The following CRACD variants were observed in gnomAD, a reference collection of about 807,000 sequenced individuals.
CRACD encodes capping protein-inhibiting regulator of actin dynamics.
A neutral mutation model predicts 106.8 loss-of-function variants in CRACD; 56 were observed. The ratio of observed to expected loss-of-function variants is 0.52; its 90% CI spans 0.42 to 0.66. CRACD has a LOEUF of 0.66. CRACD is among the 30% of genes least tolerant of loss of function. The pLI is 0.00. For missense variants in CRACD, 1,730 were observed against 1,623.2 expected (o/e 1.07, Z -1.13); for synonymous variants, 754 against 670.8 (o/e 1.12, Z -1.92).
chr4:56,217,497 TGAAA>T (rs1005653656), intron 2 of CRACD, among the ~76,000 whole-genome samples: 4 of 152,212 alleles, frequency 2.6e-5, no homozygotes, highest in South Asian at 4.2e-4. Context: ...GGCATTTGGT[TGAAA>T]GAGTTTATTA....
Position 56,314,661 on chromosome 4 carries a change from G to A in CRACD, c.1159G>A (p.Glu387Lys). 1 of 1,549,074 alleles carries A rather than the reference G, an allele frequency of 6.5e-7. No homozygotes were observed. The change falls in exon 8 of 11, where the codon GAG becomes AAG. Residue 387 changes from glutamate to lysine, a missense_variant. By Grantham distance (56) the Glu-to-Lys change is moderately conservative (BLOSUM62 1). Around this residue, in one of 5 missense-constraint regions of CRACD, gnomAD observed 1,620 missense variants for 1,481.6 expected, o/e 1.09. Transcript: ENST00000682029. The surrounding 1 kb of genome is among the most constrained non-coding windows in gnomAD (Gnocchi z 4.4). The stretch of plus-strand genomic sequence containing the variant: ...GGTGCAGGGGCCGCCCGAGGCGTTG[G>A]AGGAGACTGGGGAGGGCCGGCGGGG... ...AEVQGPPEAL[E>K]ETGEGRRGAE...
chr4:56,214,671 C>G lies in CRACD; in HGVS notation c.-189+35241C>G, dbSNP rs886552850. On this transcript the variant is annotated intron_variant, in intron 2 of 10. Transcript: ENST00000682029. The stretch of plus-strand genomic sequence containing the variant: ...CTAGACACTCTCTCTCTCTCTCTCT[C>G]TCTCTCTCTCTATATATATATATAT... 6.8e-4 allele frequency among the ~76,000 whole-genome samples: 50 copies of G among 73,388 alleles called. 3 individuals are homozygous for G. The highest frequency in any genetic ancestry group is 9.8e-4 in the Non-Finnish European group (34 of 34,854). 48.1% of individuals were successfully genotyped at this position (73,388 alleles called of 152,430 possible). A position where few individuals can be genotyped will look rare whatever the true frequency, so the allele number is the denominator to read the frequency against.
chr4:56,139,150 G>A (rs1000426544), intron 1 of CRACD, among the ~76,000 whole-genome samples: 3 of 152,054 alleles, frequency 2.0e-5, no homozygotes, highest in Non-Finnish European at 4.4e-5. Flanking sequence ...ATATCTTTAA[G>A]CAATAAAATC....
intron 1 of CRACD, among the ~76,000 whole-genome samples, chr4:56,083,801 C>A (rs1733120745): frequency 6.6e-6 from 1 of 151,964 alleles, no homozygotes; most frequent in Admixed American, 6.6e-5. Context: ...CATTGAGAAA[C>A]CCCATCTCTA....
At chr4:56,262,852 T>G in intron 2 of CRACD, among the ~76,000 whole-genome samples, 1 of 152,188 alleles carries the variant, frequency 6.6e-6, no homozygotes, top group East Asian at 1.9e-4. Context: ...ATATTGCACT[T>G]CGATTATTAA....
intron 2 of CRACD, among the ~76,000 whole-genome samples, chr4:56,223,582 C>A (rs1268023591): frequency 6.6e-6 from 1 of 152,124 alleles, no homozygotes; most frequent in Non-Finnish European, 1.5e-5. Flanking sequence ...AGTTGGCTGT[C>A]CAGCTGTCCC....
At chr4:56,182,863 ATGTGTGTGTGTGTGTG>A (rs34291347) in intron 2 of CRACD, among the ~76,000 whole-genome samples, 2 of 144,726 alleles carry the variant, frequency 1.4e-5, no homozygotes, top group Non-Finnish European at 3.0e-5. Context: ...AAAAAAAGAT[ATGTGTGTGTGTGTGTG>A]TGTGTGTGTG....
At chr4:56,198,838 G>C (rs982932104) in intron 2 of CRACD, among the ~76,000 whole-genome samples, 5 of 152,116 alleles carry the variant, frequency 3.3e-5, no homozygotes, top group Non-Finnish European at 7.4e-5. Context: ...AAGTATTAAC[G>C]TTAGAGGGGG....
At chr4:56,072,106 C>A (rs1577944496) in intron 1 of CRACD, among the ~76,000 whole-genome samples, 1 of 136,668 alleles carries the variant, frequency 7.3e-6, no homozygotes, top group Non-Finnish European at 1.5e-5. Context: ...CCAGCCTGGG[C>A]GACAGAGCGA....
intron 8 of CRACD, among the ~76,000 whole-genome samples, chr4:56,321,802 G>A (rs924789792): frequency 6.6e-6 from 1 of 152,196 alleles, no homozygotes; most frequent in Admixed American, 6.5e-5. Context: ...GTTATTTGAT[G>A]ATTTAGGGAT....
rs568300844 is a variant in CRACD, at chr4:56,124,300, TAAAC to T, written c.-335-54983_-335-54980del. Among the ~76,000 whole-genome samples the T allele has an allele frequency of 2.6e-5, 4 of 152,344 alleles. No homozygotes were observed. In the South Asian group the frequency reaches 8.3e-4, roughly 32 times the overall value. ...ACAAAGGTAGAGAGAGATAGTATAA[TAAAC>T]CCTTGTGAATCCATCACCCAGATTT... On this transcript the variant is annotated intron_variant, in intron 1 of 10. Coordinates refer to ENST00000682029, the MANE Select transcript of CRACD (RefSeq NM_001393381.1).
At chr4:56,151,265 G>T (rs1735570925) in intron 1 of CRACD, among the ~76,000 whole-genome samples, 1 of 152,120 alleles carries the variant, frequency 6.6e-6, no homozygotes, top group Admixed American at 6.5e-5. Context: ...CTCTCAAAGT[G>T]CTTGGATTAC....
chr4:56,061,972 A>G (rs1168616672), intron 1 of CRACD, among the ~76,000 whole-genome samples: 2 of 152,166 alleles, frequency 1.3e-5, no homozygotes, highest in Non-Finnish European at 2.9e-5. Flanking sequence ...TCTTTTTTGC[A>G]CTCCATCTTT....
intron 1 of CRACD, among the ~76,000 whole-genome samples, chr4:56,129,125 G>C (rs1734745589): frequency 6.6e-6 from 1 of 152,088 alleles, no homozygotes; most frequent in South Asian, 2.1e-4. Context: ...ACCCGGGCTG[G>C]AGTGTGGTAG....
In CRACD at chr4:56,324,154, C is replaced by G; in HGVS notation, c.3429C>G (p.Ser1143=). 6.2e-7 allele frequency: 1 copy of G among 1,614,172 alleles called. No individual in the cohort carries two copies. Among genetic ancestry groups the G allele is most frequent in the South Asian group, 1.1e-5 (1 of 91,074 alleles). Residue 1143 remains serine, a synonymous_variant, in exon 10 of 11, where the codon TCC becomes TCG. Transcript: ENST00000682029. ...PGSSSVSRAG[S]LHKSTALPEE... is the part of the protein sequence containing the mutation. ...GCAGCAGTGTCAGCAGAGCAGGTTC[C>G]CTGCACAAGTCCACTGCTCTGCCAG...
In CRACD at chr4:56,097,934, C is replaced by A. The variant is rs75257334; in HGVS notation, c.-336+48635C>A. ...TCCCTCTCCTGAAATTGTTAATATTCTGTAAATCAACACTTAAATTTACTA... is the reference window on the plus strand; with the variant it reads ...TCCCTCTCCTGAAATTGTTAATATTATGTAAATCAACACTTAAATTTACTA... On this transcript the variant is annotated intron_variant, in intron 1 of 10. Transcript: ENST00000682029. Among the ~76,000 whole-genome samples, 150 of 152,072 alleles carry A rather than the reference C, an allele frequency of 9.9e-4. 1 individual carries two copies. The East Asian group carries it at 0.028, about 29-fold the overall frequency.
chr4:56,172,305 A>G (rs1280649600), intron 1 of CRACD, among the ~76,000 whole-genome samples: 1 of 152,188 alleles, frequency 6.6e-6, no homozygotes, highest in East Asian at 1.9e-4. Context: ...CTAATTCTGC[A>G]TGGAGGGAAA....
intron 1 of CRACD, among the ~76,000 whole-genome samples, chr4:56,132,074 G>A (rs1734842500): frequency 2.0e-5 from 3 of 151,970 alleles, no homozygotes. Flanking sequence ...TTTAGACAGG[G>A]CCTTGCTCTG....
chr4:56,069,549 C>T (rs186709413), intron 1 of CRACD, among the ~76,000 whole-genome samples: 1 of 152,338 alleles, frequency 6.6e-6, no homozygotes, highest in Admixed American at 6.5e-5. Flanking sequence ...CTGAATCGTT[C>T]TCCCTTCCTA....
Sources: allele counts gnomAD v4.1 joint callset (sites outside exome capture counted in the v4.1 genomes callset), GRCh38; gene constraint gnomAD v4.1.1; regional missense constraint gnomAD v4.1.1; non-coding constraint Gnocchi (gnomAD v3.1); transcripts MANE v1.5; gene names NCBI Gene and HGNC (gene_info 2026-07-23, HGNC 2026-07-21).